The following KCNMA1 variants were observed in gnomAD, a reference collection of about 807,000 sequenced individuals.
KCNMA1 encodes potassium calcium-activated channel subfamily M alpha 1.
Under a neutral mutation model 140.0 loss-of-function variants are expected in KCNMA1, and 29 were observed. That is an observed-to-expected ratio of 0.21 (90% confidence interval 0.15 to 0.28). The LOEUF (loss-of-function observed/expected upper bound fraction) is 0.28, where lower values mean the gene tolerates loss of function less well. Among genes scored for constraint, KCNMA1 ranks in the 10% least tolerant of loss-of-function variants. The pLI, the probability that KCNMA1 is intolerant of heterozygous loss-of-function variation, is 1.00. For synonymous variants in KCNMA1, 612 were observed against 611.9 expected (o/e 1.00, Z 0.00); for missense variants, 880 against 1,602.2 (o/e 0.55, Z 7.70).
intron 10 of KCNMA1, among the ~76,000 whole-genome samples, chr10:77,089,889 C>A (rs1020147625): frequency 2.0e-5 from 3 of 152,138 alleles, no homozygotes; most frequent in African/African-American, 7.2e-5. Flanking sequence ...TAAATGGGAG[C>A]CTGCATGCAC....
rs74699271 is a variant in KCNMA1, at chr10:76,915,006, G to A, written c.2946C>T (p.Ser982=). The A allele has an allele frequency of 2.4e-4, 395 of 1,613,472 alleles. No homozygotes were observed. The highest frequency in any genetic ancestry group is 3.1e-4 in the Non-Finnish European group (365 of 1,179,604). Reference sequence around the variant, plus strand: ...GTTGACGTAACATCCCGTGCACTGGGCTGTTATCTGGAGAGGATCTATCCA... The same window carrying A: ...GTTGACGTAACATCCCGTGCACTGGACTGTTATCTGGAGAGGATCTATCCA... ...PGMDRSSPDN[S]PVHGMLRQPS... The change falls in exon 24 of 28, where the codon AGC becomes AGT. Residue 982 remains serine, a synonymous_variant. Transcript: ENST00000286628.
intron 1 of KCNMA1, among the ~76,000 whole-genome samples, chr10:77,451,311 G>A (rs71475659): frequency 0.028 from 4,245 of 152,174 alleles, 97 homozygotes; most frequent in Non-Finnish European, 0.043. Flanking sequence ...AAAGGCCATC[G>A]GGCAGATAAA....
chr10:76,953,715 C>T, intron 21 of KCNMA1, 86 bp downstream of exon 21: 1 of 1,488,558 alleles, frequency 6.7e-7, no homozygotes, highest in Non-Finnish European at 9.4e-7. Flanking sequence ...AGTATTATCC[C>T]ACTGTCCAAC....
chr10:76,957,883 A>G (rs534711572), intron 20 of KCNMA1, among the ~76,000 whole-genome samples: 2 of 152,332 alleles, frequency 1.3e-5, no homozygotes, highest in South Asian at 4.1e-4. Flanking sequence ...TCCAGCAACA[A>G]TAGAGTCTGT....
chr10:77,161,736 C>T (rs757426120), intron 5 of KCNMA1, among the ~76,000 whole-genome samples: 2 of 152,192 alleles, frequency 1.3e-5, no homozygotes, highest in African/African-American at 4.8e-5. Flanking sequence ...AATAAGTGCT[C>T]TGCATACATT....
intron 3 of KCNMA1, among the ~76,000 whole-genome samples, chr10:77,204,098 G>GAA (rs11325401): frequency 3.3e-5 from 4 of 120,258 alleles, no homozygotes; most frequent in Non-Finnish European, 5.4e-5. Flanking sequence ...TCCCTCTCAG[G>GAA]AAAAAAAAAA....
intron 24 of KCNMA1, chr10:76,914,185 G>A: frequency 6.6e-6 from 9 of 1,361,470 alleles, no homozygotes; most frequent in Non-Finnish European, 9.2e-6. Flanking sequence ...GTGGAGGAAA[G>A]TACAGAAAAA....
At chr10:76,975,594 A>G (rs1259475275) in intron 19 of KCNMA1, among the ~76,000 whole-genome samples, 1 of 152,212 alleles carries the variant, frequency 6.6e-6, no homozygotes, top group African/African-American at 2.4e-5. Flanking sequence ...GCTATTAAGC[A>G]CAGCTAGGAT....
At chr10:77,109,466 G>C (rs1314018345) in intron 8 of KCNMA1, among the ~76,000 whole-genome samples, 3 of 152,148 alleles carry the variant, frequency 2.0e-5, no homozygotes, top group Non-Finnish European at 4.4e-5. Context: ...AACTGCCAAC[G>C]TGTGGCCAGA....
intron 1 of KCNMA1, among the ~76,000 whole-genome samples, chr10:77,541,935 T>C (rs1178480098): frequency 6.6e-6 from 1 of 152,140 alleles, no homozygotes; most frequent in East Asian, 1.9e-4. Context: ...ACATGGAGGG[T>C]ATCTTTAGGT....
chr10:77,063,766 C>T (rs2095842703), intron 14 of KCNMA1: 1 of 985,342 alleles, frequency 1.0e-6, no homozygotes, highest in South Asian at 4.7e-5. Context: ...ACTCAAAAAA[C>T]CAAAGTCAAA....
At position 77,493,641 on chromosome 10, in the gene KCNMA1, G is replaced by A. The variant is rs1002828060; in HGVS notation, c.379-89618C>T. Among the ~76,000 whole-genome samples the A allele has an allele frequency of 7.2e-5, 11 of 152,246 alleles. No homozygotes were observed. The South Asian group carries it at 1.0e-3, about 14-fold the overall frequency. On this transcript the variant is annotated intron_variant, in intron 1 of 27. Transcript: ENST00000286628. ...TTTAACACCACGTCAATCAATCAACGGAGGTGCACTGGGTGGGGAGTGTGT... is the reference window on the plus strand; with the variant it reads ...TTTAACACCACGTCAATCAATCAACAGAGGTGCACTGGGTGGGGAGTGTGT...
At chr10:76,900,885 T>G (rs1386858934) in intron 25 of KCNMA1, among the ~76,000 whole-genome samples, 1 of 95,828 alleles carries the variant, frequency 1.0e-5, no homozygotes, top group Non-Finnish European at 2.2e-5. Flanking sequence ...TTTTAAAATG[T>G]CCCTATTTGT....
chr10:77,255,161 C>T (rs183069660), intron 2 of KCNMA1, among the ~76,000 whole-genome samples: 18 of 152,276 alleles, frequency 1.2e-4, no homozygotes, highest in East Asian at 3.9e-4. Flanking sequence ...ATTGAGTACT[C>T]GGTGTGCCAG....
chr10:77,519,588 C>A (rs184024904), intron 1 of KCNMA1, among the ~76,000 whole-genome samples: 1 of 152,120 alleles, frequency 6.6e-6, no homozygotes, highest in African/African-American at 2.4e-5. Flanking sequence ...ATTAATATCA[C>A]GGCCAAGGTC....
intron 1 of KCNMA1, among the ~76,000 whole-genome samples, chr10:77,426,617 G>A (rs184112489): frequency 6.6e-5 from 10 of 152,286 alleles, no homozygotes; most frequent in Non-Finnish European, 1.0e-4. Flanking sequence ...CTTGTCTTGC[G>A]GAGCAGAGCT....
At chr10:77,473,361 G>C (rs557720029) in intron 1 of KCNMA1, among the ~76,000 whole-genome samples, 1 of 152,212 alleles carries the variant, frequency 6.6e-6, no homozygotes, top group African/African-American at 2.4e-5. Flanking sequence ...ATCTCCTGAG[G>C]GGGGCTGATG....
At chr10:76,936,830 G>T (rs2152769900) in intron 23 of KCNMA1, among the ~76,000 whole-genome samples, 1 of 152,242 alleles carries the variant, frequency 6.6e-6, no homozygotes. Context: ...ATCTGCAGCT[G>T]CTCACCCCAA....
chr10:77,391,945 C>CAA (rs148676090), intron 2 of KCNMA1, among the ~76,000 whole-genome samples: 2 of 151,136 alleles, frequency 1.3e-5, no homozygotes, highest in African/African-American at 4.9e-5. Flanking sequence ...ATTTTTCTGA[C>CAA]AAAAACGGAG....
Sources: gnomAD v4.1 joint callset for allele counts (sites outside exome capture counted in the v4.1 genomes callset) on GRCh38, gnomAD v4.1.1 for gene constraint, MANE v1.5 for transcripts, NCBI Gene and HGNC (gene_info 2026-07-23, HGNC 2026-07-21) for gene names.